Variants in SPMAP2L observed in about 807,000 individuals in gnomAD.
The protein encoded by SPMAP2L is sperm microtubule associated protein 2 like.
chr4:56,600,837 A>G, the SPMAP2L span: 28 of 1,269,854 alleles, frequency 2.2e-5, no homozygotes, highest in African/African-American at 3.6e-4. Flanking sequence ...AGTAATCCAG[A>G]AAAGAAATGA....
the SPMAP2L span, among the ~76,000 whole-genome samples, chr4:56,612,982 C>T: frequency 6.6e-6 from 1 of 152,134 alleles, no homozygotes; most frequent in Non-Finnish European, 1.5e-5. Flanking sequence ...GCCCAGCAAA[C>T]CTCTAAGCGG....
chr4:56,551,835 C>A, the SPMAP2L span, among the ~76,000 whole-genome samples: 30 of 152,172 alleles, frequency 2.0e-4, no homozygotes, highest in Non-Finnish European at 3.4e-4. Flanking sequence ...AATTGATTGG[C>A]CCTCCTCTAC....
At chr4:56,548,991 C>CT in the SPMAP2L span, among the ~76,000 whole-genome samples, 877 of 139,376 alleles carry the variant, frequency 6.3e-3, 8 homozygotes, top group African/African-American at 0.015. Context: ...TTCTTTCTTT[C>CT]TTTTTTTTTT....
chr4:56,598,874 G>A, the SPMAP2L span, among the ~76,000 whole-genome samples: 3 of 152,074 alleles, frequency 2.0e-5, no homozygotes, highest in African/African-American at 7.2e-5. Context: ...GACTCATGGG[G>A]GTGGTTTCCC....
the SPMAP2L span, among the ~76,000 whole-genome samples, chr4:56,567,084 T>A: frequency 6.6e-6 from 1 of 152,190 alleles, no homozygotes; most frequent in Non-Finnish European, 1.5e-5. Context: ...CTATAAATCT[T>A]ACATTATTAT....
the SPMAP2L span, among the ~76,000 whole-genome samples, chr4:56,565,585 T>C: frequency 6.6e-6 from 1 of 152,192 alleles, no homozygotes; most frequent in Non-Finnish European, 1.5e-5. Context: ...TGCAAGGACA[T>C]CCATGAAAGT....
the SPMAP2L span, among the ~76,000 whole-genome samples, chr4:56,603,012 TA>T: frequency 1.1e-4 from 17 of 152,232 alleles, no homozygotes; most frequent in African/African-American, 4.1e-4. Context: ...GAGAGACATA[TA>T]AATCTGGATT....
At chr4:56,590,284 C>T in the SPMAP2L span, among the ~76,000 whole-genome samples, 4 of 152,092 alleles carry the variant, frequency 2.6e-5, no homozygotes, top group African/African-American at 9.7e-5. Context: ...GTTTTTAATT[C>T]TGTTTATGTG....
At chr4:56,601,016 T>A in the SPMAP2L span, 1 of 1,535,448 alleles carries the variant, frequency 6.5e-7, no homozygotes, top group Non-Finnish European at 8.7e-7. Flanking sequence ...CAAGATTATC[T>A]ACCTGACCGT....
At chr4:56,584,323 CA>C in the SPMAP2L span, among the ~76,000 whole-genome samples, 1 of 151,980 alleles carries the variant, frequency 6.6e-6, no homozygotes, top group East Asian at 1.9e-4. Flanking sequence ...TGGATCATAG[CA>C]AAAAAATTTT....
the SPMAP2L span, among the ~76,000 whole-genome samples, chr4:56,582,968 C>T: frequency 6.6e-6 from 1 of 152,128 alleles, no homozygotes; most frequent in African/African-American, 2.4e-5. Flanking sequence ...ATATTTGTAT[C>T]AGTCTATTTA....
At chr4:56,613,114 G>A in the SPMAP2L span, among the ~76,000 whole-genome samples, 1 of 152,046 alleles carries the variant, frequency 6.6e-6, no homozygotes, top group East Asian at 1.9e-4. Flanking sequence ...ACTTCCTAAG[G>A]GCCTGTCTGA....
chr4:56,530,737 T>A, the SPMAP2L span: 1 of 1,535,324 alleles, frequency 6.5e-7, no homozygotes, highest in Non-Finnish European at 8.7e-7. Context: ...TGGGCAGGTC[T>A]CAACAGAAAT....
At chr4:56,623,811 C>A in the SPMAP2L span, among the ~76,000 whole-genome samples, 14 of 152,250 alleles carry the variant, frequency 9.2e-5, no homozygotes, top group Non-Finnish European at 1.9e-4. Flanking sequence ...ACTGTAAGTC[C>A]AATTAAACCT....
the SPMAP2L span, among the ~76,000 whole-genome samples, chr4:56,581,895 A>G: frequency 6.6e-6 from 1 of 152,148 alleles, no homozygotes; most frequent in Non-Finnish European, 1.5e-5. Context: ...GATTTTTGGC[A>G]AGAGTGTCAA....
chr4:56,584,389 T>C, the SPMAP2L span: 2 of 685,350 alleles, frequency 2.9e-6, no homozygotes, highest in Middle Eastern at 3.3e-4. Flanking sequence ...GTTCCTAAGA[T>C]AGAAGCAGTG....
At chr4:56,594,429 A>G in the SPMAP2L span, 1 of 1,600,390 alleles carries the variant, frequency 6.2e-7, no homozygotes, top group Admixed American at 1.7e-5. Context: ...GCTCAAGGAT[A>G]TCAGCAGCTT....
chr4:56,580,434 A>G, the SPMAP2L span, among the ~76,000 whole-genome samples: 4 of 152,230 alleles, frequency 2.6e-5, no homozygotes, highest in African/African-American at 9.6e-5. Flanking sequence ...TACTTTTATG[A>G]TAAAAATGCT....
chr4:56,594,653 C>A, the SPMAP2L span: 1 of 1,332,664 alleles, frequency 7.5e-7, no homozygotes, highest in East Asian at 2.3e-5. Context: ...CATGAAGATT[C>A]AGCCTGTGGA....
Sources: allele counts gnomAD v4.1 joint callset (sites outside exome capture counted in the v4.1 genomes callset), GRCh38; gene constraint gnomAD v4.1.1; transcripts MANE v1.5; gene names NCBI Gene and HGNC (gene_info 2026-07-23, HGNC 2026-07-21).